PTPRO: variants seen among roughly 807,000 people sequenced by gnomAD.
PTPRO encodes receptor-type tyrosine-protein phosphatase O.
PTPRO carries 62 observed loss-of-function variants against 145.2 expected under a neutral mutation model. The observed-to-expected ratio is 0.43, with a 90% CI of 0.35 to 0.53. PTPRO has a LOEUF of 0.53. PTPRO is among the 20% of genes least tolerant of loss of function. The pLI, the probability that PTPRO is intolerant of heterozygous loss-of-function variation, is 0.01. For missense variants in PTPRO, 1,345 were observed against 1,482.7 expected, an observed-to-expected ratio of 0.91 and a Z score of 1.53; for synonymous variants, 565 against 514.7, an observed-to-expected ratio of 1.10 and a Z score of -1.32.
chr12:15,574,869 C>T (rs1944145207), intron 19 of PTPRO, among the ~76,000 whole-genome samples: 1 of 152,206 alleles, frequency 6.6e-6, no homozygotes, highest in South Asian at 2.1e-4. Context: ...AGCAAACTCT[C>T]ACCTGCTGAC....
At chr12:15,415,923 C>A (rs781769068) in intron 1 of PTPRO, among the ~76,000 whole-genome samples, 2 of 151,450 alleles carry the variant, frequency 1.3e-5, no homozygotes, top group Non-Finnish European at 2.9e-5. Flanking sequence ...CAAGGATAAA[C>A]CTTGTTTGCC....
intron 1 of PTPRO, among the ~76,000 whole-genome samples, chr12:15,358,817 A>G (rs188986106): frequency 6.6e-6 from 1 of 152,356 alleles, no homozygotes; most frequent in Non-Finnish European, 1.5e-5. Context: ...ATCCCAGGCC[A>G]ACATCGAAAG....
chr12:15,386,926 C>T (rs1193870433), intron 1 of PTPRO, among the ~76,000 whole-genome samples: 4 of 152,154 alleles, frequency 2.6e-5, no homozygotes, highest in Non-Finnish European at 5.9e-5. Context: ...AATAGCTATG[C>T]CTTCTTTGCC....
chr12:15,351,518 G>C (rs1371243893), intron 1 of PTPRO, among the ~76,000 whole-genome samples: 2 of 152,156 alleles, frequency 1.3e-5, no homozygotes, highest in East Asian at 3.9e-4. Context: ...CAGGGAAACA[G>C]ACTCTCCTTC....
At chr12:15,454,943 G>A (rs1941138134) in intron 1 of PTPRO, among the ~76,000 whole-genome samples, 1 of 152,064 alleles carries the variant, frequency 6.6e-6, no homozygotes, top group East Asian at 1.9e-4. Flanking sequence ...CGGTCTATAT[G>A]TCTCTATGCT....
At chr12:15,461,238 T>C (rs994992426) in intron 1 of PTPRO, among the ~76,000 whole-genome samples, 6 of 152,172 alleles carry the variant, frequency 3.9e-5, no homozygotes, top group Non-Finnish European at 2.9e-5. Context: ...CTCAACCAAT[T>C]GTCAAGCAGA....
chr12:15,475,381 A>G (rs1343649376), intron 1 of PTPRO, among the ~76,000 whole-genome samples: 1 of 152,202 alleles, frequency 6.6e-6, no homozygotes, highest in African/African-American at 2.4e-5. Flanking sequence ...CTTTCCCATT[A>G]TGCACCAAAC....
At chr12:15,583,415 G>A (rs532687737) in intron 23 of PTPRO, among the ~76,000 whole-genome samples, 4 of 151,862 alleles carry the variant, frequency 2.6e-5, no homozygotes, top group Admixed American at 6.6e-5. Flanking sequence ...GTAGGTGGAG[G>A]TTGCAGTGAG....
At chr12:15,358,268 G>A (rs1465008598) in intron 1 of PTPRO, among the ~76,000 whole-genome samples, 1 of 148,014 alleles carries the variant, frequency 6.8e-6, no homozygotes, top group Non-Finnish European at 1.5e-5. Flanking sequence ...AGCATTAGGA[G>A]ATATACCTAA....
chr12:15,365,147 T>C (rs1938322825), intron 1 of PTPRO, among the ~76,000 whole-genome samples: 1 of 152,184 alleles, frequency 6.6e-6, no homozygotes, highest in Admixed American at 6.5e-5. Flanking sequence ...CTGATTTTGC[T>C]ATGCTGGACA....
At chr12:15,412,944 C>T (rs182995192) in intron 1 of PTPRO, among the ~76,000 whole-genome samples, 78 of 152,300 alleles carry the variant, frequency 5.1e-4, no homozygotes, top group African/African-American at 1.8e-3. Context: ...CAGGCATGCA[C>T]ACCATGCCCA....
intron 1 of PTPRO, among the ~76,000 whole-genome samples, chr12:15,394,972 A>G (rs1433464993): frequency 6.6e-6 from 1 of 152,224 alleles, no homozygotes; most frequent in Non-Finnish European, 1.5e-5. Flanking sequence ...CTATTTAAAA[A>G]GGCGGCAAAG....
intron 1 of PTPRO, among the ~76,000 whole-genome samples, chr12:15,326,793 C>T (rs993448743): frequency 6.6e-6 from 1 of 152,134 alleles, no homozygotes. Context: ...TTTTCATTTT[C>T]CCCTAATTTA....
intron 1 of PTPRO, among the ~76,000 whole-genome samples, chr12:15,453,388 G>C (rs565529396): frequency 3.3e-4 from 50 of 152,108 alleles, no homozygotes; most frequent in Admixed American, 1.6e-3. Context: ...GAGAATTTAT[G>C]AATTTATATT....
At chr12:15,385,893 G>T (rs919306575) in intron 1 of PTPRO, among the ~76,000 whole-genome samples, 1 of 151,356 alleles carries the variant, frequency 6.6e-6, no homozygotes, top group East Asian at 1.9e-4. Context: ...TTAAAAAAGA[G>T]ATATAGAGAT....
intron 10 of PTPRO, 125 bp from the exon 11 acceptor site, chr12:15,524,689 G>T: frequency 9.8e-7 from 1 of 1,025,350 alleles, no homozygotes. Context: ...TGAAGTTACC[G>T]GGACTATCGT....
intron 1 of PTPRO, chr12:15,440,409 T>G (rs1263452225): frequency 2.2e-5 from 6 of 278,280 alleles, no homozygotes; most frequent in African/African-American, 1.4e-4. Context: ...ACATAGGATT[T>G]TTATACAAGA....
At chr12:15,403,043 T>G (rs114458688) in intron 1 of PTPRO, among the ~76,000 whole-genome samples, 139 of 152,352 alleles carry the variant, frequency 9.1e-4, no homozygotes, top group African/African-American at 3.1e-3. Context: ...ATATTCCATA[T>G]GTACCATAAA....
intron 1 of PTPRO, among the ~76,000 whole-genome samples, chr12:15,338,390 A>C (rs993477473): frequency 6.6e-6 from 1 of 152,176 alleles, no homozygotes; most frequent in African/African-American, 2.4e-5. Flanking sequence ...AATTGCAGGG[A>C]AAGTAAGTTA....
Sources: allele counts gnomAD v4.1 joint callset (sites outside exome capture counted in the v4.1 genomes callset), GRCh38; gene constraint gnomAD v4.1.1; transcripts MANE v1.5; gene names NCBI Gene and HGNC (gene_info 2026-07-23, HGNC 2026-07-21).